Variants in AAK1 observed in about 807,000 individuals in gnomAD.
AAK1 encodes AP2 associated kinase 1.
AAK1 carries 37 observed loss-of-function variants against 116.0 expected under a neutral mutation model. The observed-to-expected ratio is 0.32, with a 90% CI of 0.25 to 0.42. The LOEUF is 0.42. Ranked by LOEUF, AAK1 falls within the 10% of genes least tolerant of loss-of-function variation. The probability of loss-of-function intolerance (pLI) is 1.00; values close to 1 mark genes in which losing one functional copy is unlikely to be tolerated. For synonymous variants in AAK1, 458 were observed against 439.9 expected, an observed-to-expected ratio of 1.04 and a Z score of -0.51; for missense variants, 919 against 1,170.6, an observed-to-expected ratio of 0.79 and a Z score of 3.14.
At chr2:69,618,581 C>A (rs1298086222) in intron 2 of AAK1, among the ~76,000 whole-genome samples, 1 of 152,204 alleles carries the variant, frequency 6.6e-6, no homozygotes, top group Non-Finnish European at 1.5e-5. Flanking sequence ...AAAATTCCTG[C>A]TCCTTTGAGC....
chr2:69,545,680 C>T (rs564937779), intron 3 of AAK1, among the ~76,000 whole-genome samples: 1 of 152,338 alleles, frequency 6.6e-6, no homozygotes, highest in African/African-American at 2.4e-5. Context: ...TAGAGTCTTC[C>T]TCTGAGTGAT....
At chr2:69,528,394 G>C (rs1479101393) in intron 8 of AAK1, among the ~76,000 whole-genome samples, 1 of 152,162 alleles carries the variant, frequency 6.6e-6, no homozygotes, top group Non-Finnish European at 1.5e-5. Flanking sequence ...TGAAAAGAGA[G>C]GAGAAAAGCT....
At chr2:69,587,453 ATG>A (rs1267675109) in intron 2 of AAK1, among the ~76,000 whole-genome samples, 3 of 146,388 alleles carry the variant, frequency 2.0e-5, no homozygotes, top group Admixed American at 6.8e-5. Flanking sequence ...ATATGTATAT[ATG>A]TGTGTGTATA....
intron 2 of AAK1, among the ~76,000 whole-genome samples, chr2:69,578,501 C>G (rs1352381256): frequency 6.6e-6 from 1 of 152,158 alleles, no homozygotes; most frequent in Non-Finnish European, 1.5e-5. Context: ...GAAGCTATTT[C>G]CAGGGTCAAA....
At chr2:69,583,958 C>T (rs1275988465) in intron 2 of AAK1, among the ~76,000 whole-genome samples, 2 of 152,216 alleles carry the variant, frequency 1.3e-5, no homozygotes, top group Non-Finnish European at 2.9e-5. Context: ...CCAGGTAAAC[C>T]TGGGGTATCA....
At chr2:69,555,302 G>A (rs1558958171) in intron 3 of AAK1, among the ~76,000 whole-genome samples, 1 of 152,232 alleles carries the variant, frequency 6.6e-6, no homozygotes, top group Non-Finnish European at 1.5e-5. Flanking sequence ...TATGGCCCTT[G>A]GGAGTTGGCT....
chr2:69,485,552 C>T (rs547852000), intron 17 of AAK1, among the ~76,000 whole-genome samples: 6 of 152,232 alleles, frequency 3.9e-5, no homozygotes, highest in Middle Eastern at 3.4e-3. Context: ...AAGGGTCTTA[C>T]GAACCTTTGT....
chr2:69,561,812 G>T (rs1355145549), intron 2 of AAK1, among the ~76,000 whole-genome samples: 3 of 151,930 alleles, frequency 2.0e-5, no homozygotes, highest in African/African-American at 7.3e-5. Context: ...CTATAGTTTT[G>T]CTTGCTCTAG....
Position 69,483,498 on chromosome 2 carries a change from A to G in AAK1, c.2366-686T>C, listed in dbSNP as rs546086549. On this transcript the variant is annotated intron_variant, in intron 17 of 21. Coordinates refer to ENST00000409085, the MANE Select transcript of AAK1 (RefSeq NM_014911.5). ...ACCAACTGAACATTTGGTTGTTTCC[A>G]GTTTTTAAGCTGGTAAAAATAAAGC... 9.8e-5 allele frequency among the ~76,000 whole-genome samples: 15 copies of G among 152,292 alleles called. No homozygotes were observed. In the South Asian group the frequency reaches 3.1e-3, roughly 32 times the overall value.
chr2:69,643,085 A>ATTTTT lies in AAK1; in HGVS notation c.-50_-46dup, dbSNP rs4067981. The stretch of plus-strand genomic sequence containing the variant: ...AAAGCAAAATACCGATGGTTTCTAG[A>ATTTTT]TTTTTTTTTTTTTTTTTTTTTTTTA... On this transcript the variant is annotated 5_prime_UTR_variant, in exon 2 of 22. Coordinates refer to ENST00000409085, the MANE Select transcript of AAK1 (RefSeq NM_014911.5). 1,050 of 1,264,048 alleles carry ATTTTT rather than the reference A, an allele frequency of 8.3e-4. 2 individuals are homozygous for ATTTTT. The highest frequency in any genetic ancestry group is 3.7e-3 in the Admixed American group (95 of 25,380). The allele number at this position is 1,264,048 out of a possible 1,614,324, so 78.3% of individuals were successfully genotyped here. A position where few individuals can be genotyped will look rare whatever the true frequency, so the allele number is the denominator to read the frequency against.
intron 13 of AAK1, among the ~76,000 whole-genome samples, chr2:69,513,027 A>G (rs187904824): frequency 6.6e-6 from 1 of 152,288 alleles, no homozygotes; most frequent in Admixed American, 6.5e-5. Flanking sequence ...AGGAGGCTGA[A>G]CTGAATAATT....
chr2:69,576,912 A>G (rs1490232034), intron 2 of AAK1, among the ~76,000 whole-genome samples: 2 of 152,220 alleles, frequency 1.3e-5, no homozygotes, highest in Non-Finnish European at 2.9e-5. Context: ...AGAAACATAC[A>G]TGCAATATCA....
chr2:69,466,803 GA>G lies in AAK1; in HGVS notation c.*9065del. On this transcript the variant is annotated 3_prime_UTR_variant, in exon 22 of 22. Transcript: ENST00000409085. ...AGGAGATGAAGATGTTAGGCACACA[GA>G]CATTCAGCGTAACTATGCAATGCTC... 1 of 985,338 alleles carries G rather than the reference GA, an allele frequency of 1.0e-6. No individual in the cohort carries two copies. Among genetic ancestry groups the G allele is most frequent in the African/African-American group, 1.7e-5 (1 of 57,334 alleles). The allele number at this position is 985,338 out of a possible 1,614,324, so 61.0% of individuals were successfully genotyped here. A position where few individuals can be genotyped will look rare whatever the true frequency, so the allele number is the denominator to read the frequency against.
intron 2 of AAK1, among the ~76,000 whole-genome samples, chr2:69,604,269 G>A (rs1673700901): frequency 6.6e-6 from 1 of 152,176 alleles, no homozygotes; most frequent in African/African-American, 2.4e-5. Context: ...GTGGAGCTCT[G>A]GGGTGACGTA....
At chr2:69,502,576 G>C (rs1382455062) in intron 16 of AAK1, among the ~76,000 whole-genome samples, 1 of 152,082 alleles carries the variant, frequency 6.6e-6, no homozygotes, top group Non-Finnish European at 1.5e-5. Flanking sequence ...AGCCAAGATT[G>C]TGCCATTGCA....
intron 15 of AAK1, 149 bp downstream of exon 15, chr2:69,507,272 T>C: frequency 1.1e-6 from 1 of 924,908 alleles, no homozygotes; most frequent in Non-Finnish European, 1.6e-6. Flanking sequence ...CTTGTATGCA[T>C]ACTTTGAAAT....
intron 20 of AAK1, 38 bp downstream of exon 20, chr2:69,478,913 A>G: frequency 1.3e-6 from 2 of 1,501,194 alleles, no homozygotes; most frequent in East Asian, 2.3e-5. Context: ...TTTCCCCTCT[A>G]AGGACACATG....
chr2:69,549,511 GC>G (rs1553414853), intron 3 of AAK1, among the ~76,000 whole-genome samples: 1 of 152,128 alleles, frequency 6.6e-6, no homozygotes, highest in Non-Finnish European at 1.5e-5. Context: ...ACATTTATAT[GC>G]TTTGCTCTGC....
intron 3 of AAK1, among the ~76,000 whole-genome samples, chr2:69,547,636 T>A (rs955033289): frequency 6.6e-6 from 1 of 152,122 alleles, no homozygotes; most frequent in African/African-American, 2.4e-5. Flanking sequence ...AGGTGAAAAT[T>A]GGAATCCTTG....
Sources: allele counts gnomAD v4.1 joint callset (sites outside exome capture counted in the v4.1 genomes callset), GRCh38; gene constraint gnomAD v4.1.1; transcripts MANE v1.5; gene names NCBI Gene and HGNC (gene_info 2026-07-23, HGNC 2026-07-21).